Variants in EXOC6B observed in about 807,000 individuals in gnomAD.
EXOC6B encodes the protein SEC15 homolog B.
In EXOC6B, 54 loss-of-function variants were observed where a neutral mutation model predicts 113.5. That is an observed-to-expected ratio of 0.48 (90% CI 0.38 to 0.60). The LOEUF (loss-of-function observed/expected upper bound fraction) is 0.60. Among genes scored for constraint, EXOC6B ranks in the 20% least tolerant of loss-of-function variants. The pLI, the probability that EXOC6B is intolerant of heterozygous loss-of-function variation, is 0.00. For missense variants in EXOC6B, 797 were observed against 977.5 expected (o/e 0.82, Z 2.46); for synonymous variants, 357 against 339.0 (o/e 1.05, Z -0.58).
intron 8 of EXOC6B, among the ~76,000 whole-genome samples, chr2:72,551,475 C>T (rs1040445417): frequency 2.7e-5 from 4 of 150,456 alleles, no homozygotes; most frequent in African/African-American, 9.8e-5. Context: ...GGATTACAGG[C>T]GTGAGCCACC....
intron 20 of EXOC6B, among the ~76,000 whole-genome samples, chr2:72,226,252 T>G (rs1244246018): frequency 6.6e-6 from 1 of 152,114 alleles, no homozygotes; most frequent in African/African-American, 2.4e-5. Context: ...CTAATGAAAT[T>G]CAAATAAAGT....
intron 6 of EXOC6B, among the ~76,000 whole-genome samples, chr2:72,684,457 T>G (rs888280807): frequency 3.3e-5 from 5 of 152,196 alleles, no homozygotes; most frequent in African/African-American, 4.8e-5. Context: ...GATCCAGAAT[T>G]CCACTGCTAG....
rs371400412 is a variant in EXOC6B, at chr2:72,584,343, A to G, written c.670-8675T>C. The stretch of plus-strand genomic sequence containing the variant: ...TAGGCACAAATAGAAAACAAAACAA[A>G]AAAAAGCACAGGCTACCATTCTTAT... On this transcript the variant is annotated intron_variant, in intron 6 of 21. Transcript: ENST00000272427. Among the ~76,000 whole-genome samples, 284 of 152,308 alleles carry G rather than the reference A, an allele frequency of 1.9e-3. 10 individuals are homozygous for G. The South Asian group carries it at 0.056, about 30-fold the overall frequency.
At chr2:72,225,543 G>A (rs1447827840) in intron 20 of EXOC6B, among the ~76,000 whole-genome samples, 1 of 152,164 alleles carries the variant, frequency 6.6e-6, no homozygotes, top group African/African-American at 2.4e-5. Context: ...AAGCCTACGT[G>A]GAGACTGTGA....
intron 17 of EXOC6B, among the ~76,000 whole-genome samples, chr2:72,468,059 C>A (rs1698163865): frequency 6.6e-6 from 1 of 152,196 alleles, no homozygotes; most frequent in Non-Finnish European, 1.5e-5. Context: ...GCGTGAGCCA[C>A]CATGCTCTGC....
chr2:72,340,205 G>C (rs986244372), intron 19 of EXOC6B, among the ~76,000 whole-genome samples: 1 of 152,152 alleles, frequency 6.6e-6, no homozygotes, highest in Non-Finnish European at 1.5e-5. Flanking sequence ...AAATGGTAGA[G>C]TGAGAGTTAG....
intron 20 of EXOC6B, among the ~76,000 whole-genome samples, chr2:72,261,643 C>T (rs995281557): frequency 6.6e-5 from 10 of 152,142 alleles, no homozygotes; most frequent in African/African-American, 2.2e-4. Context: ...ATTGAGGCTG[C>T]TTTCCTTTAA....
At chr2:72,725,854 C>T (rs186565481) in intron 5 of EXOC6B, among the ~76,000 whole-genome samples, 4 of 152,250 alleles carry the variant, frequency 2.6e-5, no homozygotes, top group East Asian at 3.9e-4. Context: ...GTTTACCATG[C>T]GACCCAGAAA....
At chr2:72,538,693 A>ATG (rs971236053) in intron 8 of EXOC6B, among the ~76,000 whole-genome samples, 1 of 152,210 alleles carries the variant, frequency 6.6e-6, no homozygotes. Context: ...ACAATAAACC[A>ATG]TGTGTTGTGC....
chr2:72,492,689 T>C lies in EXOC6B; in HGVS notation c.1554-260A>G, dbSNP rs901196244. On this transcript the variant is annotated intron_variant, in intron 15 of 21. Coordinates refer to ENST00000272427, the MANE Select transcript of EXOC6B (RefSeq NM_015189.3). ...GTTTTTTTTTCTTTATTTCTTTGAG[T>C]ACTTTAAGGATGTCACTCCATTTTC... Among the ~76,000 whole-genome samples the C allele has an allele frequency of 2.0e-5, 3 of 151,814 alleles. No individual in the cohort carries two copies. In the East Asian group the frequency reaches 5.8e-4, roughly 29 times the overall value.
chr2:72,205,341 T>C (rs1348708961), intron 20 of EXOC6B, among the ~76,000 whole-genome samples: 1 of 151,216 alleles, frequency 6.6e-6, no homozygotes, highest in Non-Finnish European at 1.5e-5. Flanking sequence ...ATTTCTATGA[T>C]TCACTATTTT....
chr2:72,246,589 G>T (rs1038191902), intron 20 of EXOC6B, among the ~76,000 whole-genome samples: 1 of 148,738 alleles, frequency 6.7e-6, no homozygotes, highest in Non-Finnish European at 1.5e-5. Flanking sequence ...CTCACTGCAA[G>T]CTCCGCCTCC....
At position 72,176,188 on chromosome 2, in the gene EXOC6B, T is replaced by A. The variant is rs1384799229; in HGVS notation, c.*3147A>T. 3.3e-5 allele frequency: 5 copies of A among 151,620 alleles called. No individual in the cohort carries two copies. The East Asian group carries it at 9.7e-4, about 29-fold the overall frequency. 9.4% of individuals were successfully genotyped at this position (151,620 alleles called of 1,614,324 possible). ...GGACTTTCCTAATTTTCTCTATATA[T>A]GTGCAACTATCTGTGTAAAATAAAA... On this transcript the variant is annotated 3_prime_UTR_variant, in exon 22 of 22. Coordinates refer to ENST00000272427, the MANE Select transcript of EXOC6B (RefSeq NM_015189.3).
intron 7 of EXOC6B, among the ~76,000 whole-genome samples, chr2:72,562,047 T>C (rs1265886772): frequency 6.6e-6 from 1 of 152,140 alleles, no homozygotes; most frequent in Non-Finnish European, 1.5e-5. Flanking sequence ...TTTTCCTCTA[T>C]GCTCCCCTCT....
chr2:72,344,366 T>G (rs1418874196), intron 19 of EXOC6B, among the ~76,000 whole-genome samples: 2 of 152,192 alleles, frequency 1.3e-5, no homozygotes, highest in Admixed American at 1.3e-4. Flanking sequence ...TTTAGTTCTT[T>G]GAACATCTTT....
chr2:72,228,667 G>C (rs1681415628), intron 20 of EXOC6B, among the ~76,000 whole-genome samples: 1 of 152,092 alleles, frequency 6.6e-6, no homozygotes, highest in African/African-American at 2.4e-5. Flanking sequence ...GTCTAACATT[G>C]TTGGACATTT....
intron 20 of EXOC6B, among the ~76,000 whole-genome samples, chr2:72,186,465 A>G (rs17007927): frequency 0.098 from 14,851 of 151,860 alleles, 1,196 homozygotes; most frequent in African/African-American, 0.23. Context: ...ATTTCACTAT[A>G]TTTTCCTGCA....
rs1193088710 is a variant in EXOC6B at position 72,565,849 on chromosome 2, G to T, written c.847-6328C>A. Reference sequence around the variant, plus strand: ...AACTCATGCATTGCTGGGGTGGGTGGTGGGGTATAGAAAATAGTACAACCC... The same window carrying T: ...AACTCATGCATTGCTGGGGTGGGTGTTGGGGTATAGAAAATAGTACAACCC... On this transcript the variant is annotated intron_variant, in intron 7 of 21. Transcript: ENST00000272427. Among the ~76,000 whole-genome samples the T allele has an allele frequency of 2.0e-5, 3 of 152,228 alleles. No individual in the cohort carries two copies. The East Asian group carries it at 5.8e-4, about 29-fold the overall frequency.
At chr2:72,647,190 GAA>G (rs1673787874) in intron 6 of EXOC6B, among the ~76,000 whole-genome samples, 2 of 152,050 alleles carry the variant, frequency 1.3e-5, no homozygotes, top group Non-Finnish European at 2.9e-5. Context: ...CCTAAAAAGA[GAA>G]TAAAATACCT....
Sources: allele counts gnomAD v4.1 joint callset (sites outside exome capture counted in the v4.1 genomes callset), GRCh38; gene constraint gnomAD v4.1.1; transcripts MANE v1.5; gene names NCBI Gene and HGNC (gene_info 2026-07-23, HGNC 2026-07-21).